The following PCDHA5 variants were observed in gnomAD, a reference collection of about 807,000 sequenced individuals.
PCDHA5 encodes protocadherin alpha 5.
In PCDHA5, 43 loss-of-function variants were observed where a neutral mutation model predicts 61.6. That is an observed-to-expected ratio of 0.70 (90% CI 0.55 to 0.90). PCDHA5 has a LOEUF of 0.90. PCDHA5 is among the 40% of genes least tolerant of loss of function. PCDHA5 has a pLI of 0.00. For missense variants in PCDHA5, 1,298 were observed against 1,222.7 expected (o/e 1.06, Z -0.92); for synonymous variants, 627 against 543.9 (o/e 1.15, Z -2.13).
intron 1 of PCDHA5, chr5:140,857,075 A>G: frequency 6.3e-7 from 1 of 1,597,052 alleles, no homozygotes; most frequent in African/African-American, 1.3e-5. Context: ...ACTGGATGAA[A>G]ATGATAATTC....
chr5:140,836,231 C>T, intron 1 of PCDHA5: 3 of 1,613,742 alleles, frequency 1.9e-6, no homozygotes, highest in East Asian at 2.2e-5. Flanking sequence ...CGGTGGCGGC[C>T]GGTGCGAGCA....
At chr5:140,941,957 A>G (rs1254816482) in intron 1 of PCDHA5, among the ~76,000 whole-genome samples, 1 of 152,234 alleles carries the variant, frequency 6.6e-6, no homozygotes, top group Non-Finnish European at 1.5e-5. Flanking sequence ...TGAAAACAAT[A>G]GTATCTTTAC....
rs61730633 is a variant in PCDHA5 at position 140,822,547 on chromosome 5, A to T, written c.772A>T (p.Thr258Ser). The T allele has an allele frequency of 1.2e-6, 2 of 1,613,680 alleles. No homozygotes were observed. The highest frequency in any genetic ancestry group is 1.7e-6 in the Non-Finnish European group (2 of 1,179,756). Residue 258 changes from threonine to serine, a missense_variant, in exon 1 of 4, where the codon ACA (threonine) becomes TCA (serine). By Grantham distance (58) the Thr-to-Ser change is moderately conservative. Transcript: ENST00000529859. Reference protein sequence around the residue: ...VRLLENAPSGTLVIKLNASDA... With the variant: ...VRLLENAPSGSLVIKLNASDA... The stretch of plus-strand genomic sequence containing the variant: ...ATTGTTGGAAAATGCACCAAGTGGG[A>T]CATTAGTTATTAAACTGAACGCCTC...
chr5:140,849,469 A>T, intron 1 of PCDHA5: 1 of 1,589,622 alleles, frequency 6.3e-7, no homozygotes. Context: ...GCTGTCGATA[A>T]AGGCTTCCCA....
At chr5:141,007,613 T>C (rs1351675120) in intron 3 of PCDHA5, among the ~76,000 whole-genome samples, 1 of 152,056 alleles carries the variant, frequency 6.6e-6, no homozygotes, top group Non-Finnish European at 1.5e-5. Context: ...GAAGCAGATA[T>C]AGGAGAGGTC....
intron 1 of PCDHA5, among the ~76,000 whole-genome samples, chr5:140,933,619 T>C (rs2089273151): frequency 2.6e-5 from 4 of 152,058 alleles, no homozygotes; most frequent in Non-Finnish European, 2.9e-5. Flanking sequence ...TCTTATTAGG[T>C]TAGGCTGGCC....
At chr5:140,910,525 C>T (rs531874263) in intron 1 of PCDHA5, among the ~76,000 whole-genome samples, 2 of 152,258 alleles carry the variant, frequency 1.3e-5, no homozygotes, top group African/African-American at 4.8e-5. Context: ...GCAGGTACTC[C>T]CCTCACAAAT....
chr5:140,918,991 G>A (rs1453656237), intron 1 of PCDHA5, among the ~76,000 whole-genome samples: 2 of 152,184 alleles, frequency 1.3e-5, no homozygotes, highest in African/African-American at 4.8e-5. Flanking sequence ...GGTTTTTAGT[G>A]TTGTTCACAT....
At chr5:140,979,738 G>T (rs754559318) in intron 2 of PCDHA5, among the ~76,000 whole-genome samples, 10 of 152,194 alleles carry the variant, frequency 6.6e-5, no homozygotes, top group East Asian at 1.9e-4. Context: ...CCAAATAAAA[G>T]ATTCATTATT....
At chr5:140,880,586 G>C (rs1212732393) in intron 1 of PCDHA5, among the ~76,000 whole-genome samples, 1 of 152,206 alleles carries the variant, frequency 6.6e-6, no homozygotes, top group African/African-American at 2.4e-5. Context: ...AGAGGAAAGA[G>C]AATATGGAAG....
chr5:140,892,424 C>T (rs1288815822), intron 1 of PCDHA5, among the ~76,000 whole-genome samples: 1 of 152,040 alleles, frequency 6.6e-6, no homozygotes, highest in Non-Finnish European at 1.5e-5. Context: ...CTAGATAAAA[C>T]CTCATTATCT....
chr5:140,858,371 C>G, intron 1 of PCDHA5: 1 of 1,588,766 alleles, frequency 6.3e-7, no homozygotes, highest in Non-Finnish European at 8.6e-7. Context: ...CCCCAGCCTT[C>G]CACCATGCCC....
chr5:140,978,887 A>T, intron 1 of PCDHA5, 62 bp from the exon 2 acceptor site: 1 of 1,611,648 alleles, frequency 6.2e-7, no homozygotes, highest in Non-Finnish European at 8.5e-7. Context: ...ATCAATTAGC[A>T]GCATTCCTGG....
chr5:140,955,976 G>A (rs2095244273), intron 1 of PCDHA5, among the ~76,000 whole-genome samples: 1 of 152,180 alleles, frequency 6.6e-6, no homozygotes, highest in South Asian at 2.1e-4. Flanking sequence ...AGGAATGCTA[G>A]CAATTTTTGC....
intron 1 of PCDHA5, among the ~76,000 whole-genome samples, chr5:140,897,816 G>C (rs1305259522): frequency 1.1e-4 from 16 of 152,078 alleles, no homozygotes; most frequent in Non-Finnish European, 1.9e-4. Flanking sequence ...CAGTGTAAAA[G>C]TGTTCCTATT....
chr5:140,927,105 CAGCGG>C, intron 1 of PCDHA5: 1 of 1,613,778 alleles, frequency 6.2e-7, no homozygotes, highest in Non-Finnish European at 8.5e-7. Flanking sequence ...TGGATCTACC[CAGCGG>C]CAATTTGGTG....
chr5:141,005,701 C>CAAAAAAAA (rs59860837), intron 3 of PCDHA5, among the ~76,000 whole-genome samples: 3 of 7,792 alleles, frequency 3.9e-4, no homozygotes, highest in East Asian at 6.4e-3. Flanking sequence ...AACTCCGTCT[C>CAAAAAAAA]AAAAAAAAAA....
chr5:140,858,383 A>G lies in PCDHA5; in HGVS notation c.2352+34256A>G, dbSNP rs181849631. Reference sequence around the variant, plus strand: ...CAGCCCCAGCCTTCCACCATGCCCAATGGTAGATGTGGACGGGGAAGATCA... The same window carrying G: ...CAGCCCCAGCCTTCCACCATGCCCAGTGGTAGATGTGGACGGGGAAGATCA... On this transcript the variant is annotated intron_variant, in intron 1 of 3. Transcript: ENST00000529859. 1,813 of 1,584,980 alleles carry G rather than the reference A, an allele frequency of 1.1e-3. 172 individuals are homozygous for G. Among genetic ancestry groups the G allele is most frequent in the Non-Finnish European group, 1.3e-3 (1,523 of 1,159,242 alleles).
At chr5:140,840,473 G>T (rs1487904967) in intron 1 of PCDHA5, among the ~76,000 whole-genome samples, 1 of 151,942 alleles carries the variant, frequency 6.6e-6, no homozygotes, top group African/African-American at 2.4e-5. Flanking sequence ...GGGGAAAAAA[G>T]TTTAAAGGCA....
Sources: gnomAD v4.1 joint callset for allele counts (sites outside exome capture counted in the v4.1 genomes callset) on GRCh38, gnomAD v4.1.1 for gene constraint, MANE v1.5 for transcripts, NCBI Gene and HGNC (gene_info 2026-07-23, HGNC 2026-07-21) for gene names.